The following RPS6KC1 variants were observed in gnomAD, a reference collection of about 807,000 sequenced individuals.
RPS6KC1 encodes the protein inactive ribosomal protein S6 kinase delta-1.
In RPS6KC1, 54 loss-of-function variants were observed where a neutral mutation model predicts 103.8. The observed-to-expected ratio is 0.52, with a 90% confidence interval of 0.42 to 0.65. The LOEUF (loss-of-function observed/expected upper bound fraction) is 0.65, where lower values mean the gene tolerates loss of function less well. Ranked by LOEUF, RPS6KC1 falls within the 30% of genes least tolerant of loss-of-function variation. RPS6KC1 has a pLI of 0.00. For missense variants in RPS6KC1, 1,151 were observed against 1,253.8 expected, an observed-to-expected ratio of 0.92 and a Z score of 1.24; for synonymous variants, 439 against 438.7, an observed-to-expected ratio of 1.00 and a Z score of -0.01.
chr1:213,499,246 T>A, the RPS6KC1 span, among the ~76,000 whole-genome samples: 2 of 152,306 alleles, frequency 1.3e-5, no homozygotes, highest in South Asian at 4.1e-4. Context: ...ACAACTGGAA[T>A]GGAGTTGACA....
At chr1:213,844,316 T>C in the RPS6KC1 span, among the ~76,000 whole-genome samples, 2 of 152,208 alleles carry the variant, frequency 1.3e-5, no homozygotes, top group Admixed American at 6.5e-5. Flanking sequence ...ATTCATACAA[T>C]TATGGACAAT....
the RPS6KC1 span, among the ~76,000 whole-genome samples, chr1:213,465,741 A>G: frequency 6.6e-6 from 1 of 152,168 alleles, no homozygotes. Flanking sequence ...ATTTTTGCCT[A>G]GGATGAATTC....
chr1:213,778,612 A>G, the RPS6KC1 span, among the ~76,000 whole-genome samples: 1 of 152,016 alleles, frequency 6.6e-6, no homozygotes, highest in East Asian at 1.9e-4. Flanking sequence ...GGTAAACACA[A>G]ACTTCTTCAT....
chr1:213,609,067 T>C, the RPS6KC1 span, among the ~76,000 whole-genome samples: 1 of 152,082 alleles, frequency 6.6e-6, no homozygotes, highest in Admixed American at 6.5e-5. Context: ...AGAGAAAAAA[T>C]TGAAATGGAG....
At chr1:213,062,423 A>G (rs1002878207) in intron 1 of RPS6KC1, among the ~76,000 whole-genome samples, 10 of 152,218 alleles carry the variant, frequency 6.6e-5, no homozygotes, top group Non-Finnish European at 1.2e-4. Flanking sequence ...TGTCTCATGC[A>G]TTTTGGAAAA....
the RPS6KC1 span, among the ~76,000 whole-genome samples, chr1:213,431,655 ATGTGTGTGTGTGTG>A: frequency 7.1e-6 from 1 of 141,540 alleles, no homozygotes; most frequent in Non-Finnish European, 1.6e-5. Flanking sequence ...GTTTGTGTGT[ATGTGTGTGTGTGTG>A]TGTGTGTGTG....
At chr1:213,203,207 C>T (rs2093228516) in intron 8 of RPS6KC1, among the ~76,000 whole-genome samples, 1 of 152,104 alleles carries the variant, frequency 6.6e-6, no homozygotes, top group South Asian at 2.1e-4. Context: ...TATATATTTA[C>T]TGGTTGAGAA....
intron 7 of RPS6KC1, among the ~76,000 whole-genome samples, chr1:213,175,145 T>G (rs1260416473): frequency 1.3e-5 from 2 of 152,092 alleles, no homozygotes; most frequent in African/African-American, 4.8e-5. Flanking sequence ...CCAAGTAACC[T>G]CCCTCCCTAG....
At chr1:213,247,260 T>G (rs898155355) in intron 12 of RPS6KC1, among the ~76,000 whole-genome samples, 6 of 152,222 alleles carry the variant, frequency 3.9e-5, no homozygotes, top group African/African-American at 9.6e-5. Flanking sequence ...ATTTCACACT[T>G]GGAAACAGCT....
chr1:213,236,066 A>G (rs777216138), intron 10 of RPS6KC1, among the ~76,000 whole-genome samples: 15 of 152,170 alleles, frequency 9.9e-5, no homozygotes, highest in Non-Finnish European at 1.8e-4. Context: ...AGATTCTCAT[A>G]GGAGCACAAA....
the RPS6KC1 span, among the ~76,000 whole-genome samples, chr1:213,375,440 A>G: frequency 6.6e-6 from 1 of 152,208 alleles, no homozygotes; most frequent in Non-Finnish European, 1.5e-5. Context: ...TTAAGGTGGT[A>G]GATTTCGAGG....
chr1:213,690,989 T>C, the RPS6KC1 span, among the ~76,000 whole-genome samples: 1 of 152,060 alleles, frequency 6.6e-6, no homozygotes, highest in Non-Finnish European at 1.5e-5. Context: ...GAGGGCATCA[T>C]CAGAACAGCA....
At chr1:213,069,521 C>T (rs545987876) in intron 1 of RPS6KC1, among the ~76,000 whole-genome samples, 1 of 152,302 alleles carries the variant, frequency 6.6e-6, no homozygotes, top group Admixed American at 6.5e-5. Flanking sequence ...GTTTGTCTGA[C>T]TTTACATCCT....
the RPS6KC1 span, among the ~76,000 whole-genome samples, chr1:213,832,190 C>T: frequency 1.3e-5 from 2 of 152,260 alleles, no homozygotes; most frequent in South Asian, 2.1e-4. Context: ...GTGTTGGCTT[C>T]ACCTTGGGAT....
chr1:213,733,544 G>GTGT, the RPS6KC1 span, among the ~76,000 whole-genome samples: 16 of 100,230 alleles, frequency 1.6e-4, no homozygotes, highest in Non-Finnish European at 1.8e-4. Context: ...GCTATTTTTA[G>GTGT]TTTGTTTTTT....
chr1:213,714,244 A>G, the RPS6KC1 span, among the ~76,000 whole-genome samples: 1 of 152,222 alleles, frequency 6.6e-6, no homozygotes, highest in Non-Finnish European at 1.5e-5. Flanking sequence ...TTCCAGAAAC[A>G]GTATTTGGCA....
At chr1:213,538,184 C>T in the RPS6KC1 span, among the ~76,000 whole-genome samples, 1 of 152,046 alleles carries the variant, frequency 6.6e-6, no homozygotes, top group African/African-American at 2.4e-5. Flanking sequence ...TTTGGTGGGC[C>T]AATAAATCTC....
chr1:213,126,279 T>C (rs188317699), intron 5 of RPS6KC1, among the ~76,000 whole-genome samples: 2 of 152,266 alleles, frequency 1.3e-5, no homozygotes, highest in East Asian at 3.9e-4. Flanking sequence ...AAGATTCTTA[T>C]TATGAAGTAC....
the RPS6KC1 span, among the ~76,000 whole-genome samples, chr1:213,746,340 A>G: frequency 9.8e-5 from 15 of 152,328 alleles, no homozygotes. Context: ...ATACAGAGTC[A>G]GTACCTCCAG....
Sources: gnomAD v4.1 joint callset for allele counts (sites outside exome capture counted in the v4.1 genomes callset) on GRCh38, gnomAD v4.1.1 for gene constraint, MANE v1.5 for transcripts, NCBI Gene and HGNC (gene_info 2026-07-23, HGNC 2026-07-21) for gene names.